The following ST3GAL6 variants were observed in gnomAD, a reference collection of about 807,000 sequenced individuals.
ST3GAL6 encodes the protein type 2 lactosamine alpha-2,3-sialyltransferase.
Under a neutral mutation model 40.5 loss-of-function variants are expected in ST3GAL6, and 31 were observed. The ratio of observed to expected loss-of-function variants is 0.77; its 90% CI spans 0.58 to 1.03. The LOEUF is 1.03. Among genes scored for constraint, ST3GAL6 ranks in the 50% least tolerant of loss-of-function variants. The pLI, the probability that ST3GAL6 is intolerant of heterozygous loss-of-function variation, is 0.00. For synonymous variants in ST3GAL6, 129 were observed against 136.9 expected (o/e 0.94, Z 0.40); for missense variants, 357 against 393.2 (o/e 0.91, Z 0.78).
chr3:98,777,255 C>T (rs1477287315), intron 5 of ST3GAL6, among the ~76,000 whole-genome samples: 4 of 152,214 alleles, frequency 2.6e-5, no homozygotes, highest in Admixed American at 6.5e-5. Context: ...GTGCTGGAAC[C>T]AGTTGGTACC....
chr3:98,754,094 G>A (rs570679469), intron 1 of ST3GAL6, among the ~76,000 whole-genome samples: 1 of 152,244 alleles, frequency 6.6e-6, no homozygotes, highest in Non-Finnish European at 1.5e-5. Context: ...AAAGCTCTAG[G>A]TGTCACATAG....
chr3:98,754,923 A>G (rs1457341110), intron 1 of ST3GAL6, among the ~76,000 whole-genome samples: 1 of 152,266 alleles, frequency 6.6e-6, no homozygotes, highest in Admixed American at 6.5e-5. Context: ...TTGTATAAAC[A>G]TAACTTACAT....
At chr3:98,752,456 C>A (rs1481476182) in intron 1 of ST3GAL6, among the ~76,000 whole-genome samples, 2 of 150,720 alleles carry the variant, frequency 1.3e-5, no homozygotes, top group Non-Finnish European at 1.5e-5. Context: ...TTTTTTCTTT[C>A]TTTTTAAATT....
chr3:98,761,911 G>T (rs1176242520), upstream of ST3GAL6, among the ~76,000 whole-genome samples: 1 of 152,166 alleles, frequency 6.6e-6, no homozygotes, highest in Admixed American at 6.5e-5. Context: ...AATGATTTTA[G>T]TGTGTCCTGT....
At chr3:98,759,871 T>G (rs1937606029), upstream of ST3GAL6, among the ~76,000 whole-genome samples, 1 of 152,110 alleles carries the variant, frequency 6.6e-6, no homozygotes, top group Admixed American at 6.6e-5. Flanking sequence ...ATCCTACATA[T>G]TTTCCCTCAA....
At chr3:98,733,302 C>T in intron 1 of ST3GAL6, 3 of 985,404 alleles carry the variant, frequency 3.0e-6, no homozygotes, top group Non-Finnish European at 3.6e-6. Flanking sequence ...GGGAGGGACG[C>T]GCAGCCTCGC....
At chr3:98,740,093 G>T (rs1367025704) in intron 1 of ST3GAL6, among the ~76,000 whole-genome samples, 2 of 152,096 alleles carry the variant, frequency 1.3e-5, no homozygotes, top group Non-Finnish European at 2.9e-5. Flanking sequence ...ACAATTAAAT[G>T]ATAAATAATT....
intron 1 of ST3GAL6, among the ~76,000 whole-genome samples, chr3:98,758,058 C>T (rs552097063): frequency 2.0e-5 from 3 of 152,210 alleles, no homozygotes; most frequent in South Asian, 4.1e-4. Context: ...AGGCTGGTCT[C>T]GAGCTCCTGA....
intron 9 of ST3GAL6, among the ~76,000 whole-genome samples, chr3:98,792,794 C>T (rs963854977): frequency 6.6e-6 from 1 of 151,794 alleles, no homozygotes; most frequent in Admixed American, 6.6e-5. Context: ...GCTGGGATTA[C>T]AGGCATGGGC....
intron 5 of ST3GAL6, among the ~76,000 whole-genome samples, chr3:98,781,812 G>T (rs1429528792): frequency 6.6e-6 from 1 of 152,188 alleles, no homozygotes; most frequent in Admixed American, 6.5e-5. Flanking sequence ...CCCCTATGCA[G>T]GTTATCTCAT....
At chr3:98,780,117 G>A (rs1421183030) in intron 5 of ST3GAL6, among the ~76,000 whole-genome samples, 1 of 152,218 alleles carries the variant, frequency 6.6e-6, no homozygotes, top group African/African-American at 2.4e-5. Context: ...ATGAAGTCAA[G>A]GAGAGAATGA....
intron 1 of ST3GAL6, among the ~76,000 whole-genome samples, chr3:98,735,929 A>C (rs1935508996): frequency 6.6e-6 from 1 of 152,218 alleles, no homozygotes; most frequent in Non-Finnish European, 1.5e-5. Context: ...GCACTGAATC[A>C]GCTGCAGTGT....
chr3:98,790,690 C>A (rs1941120495), intron 8 of ST3GAL6, among the ~76,000 whole-genome samples: 1 of 152,088 alleles, frequency 6.6e-6, no homozygotes, highest in Non-Finnish European at 1.5e-5. Flanking sequence ...GACTGCAGTG[C>A]TTATTCCTCT....
At chr3:98,761,954 G>T (rs1222280888), upstream of ST3GAL6, among the ~76,000 whole-genome samples, 1 of 152,196 alleles carries the variant, frequency 6.6e-6, no homozygotes, top group Non-Finnish European at 1.5e-5. Flanking sequence ...CTGCTGAGAA[G>T]TCATTTCTCT....
chr3:98,733,067 G>A, intron 1 of ST3GAL6: 4 of 1,411,356 alleles, frequency 2.8e-6, no homozygotes, highest in Non-Finnish European at 3.7e-6. Context: ...CGGGCGGCCT[G>A]GGGTCTGTGC....
At chr3:98,740,444 C>T (rs1935978532) in intron 1 of ST3GAL6, among the ~76,000 whole-genome samples, 1 of 151,606 alleles carries the variant, frequency 6.6e-6, no homozygotes, top group African/African-American at 2.4e-5. Context: ...TTTTTATTGT[C>T]CTGTTTGACG....
At chr3:98,733,953 G>T (rs1935297378) in intron 1 of ST3GAL6, among the ~76,000 whole-genome samples, 1 of 152,120 alleles carries the variant, frequency 6.6e-6, no homozygotes, top group South Asian at 2.1e-4. Flanking sequence ...AAAGTCGTAA[G>T]TCCCATTTGC....
chr3:98,788,669 G>GT (rs3214776), intron 8 of ST3GAL6, among the ~76,000 whole-genome samples: 55,862 of 151,124 alleles, frequency 0.37, 10,355 homozygotes, highest in Middle Eastern at 0.39. Context: ...TTTAAGTTGG[G>GT]TTTTTTTCCT....
chr3:98,745,904 G>A (rs933954529), intron 1 of ST3GAL6, among the ~76,000 whole-genome samples: 2 of 152,126 alleles, frequency 1.3e-5, no homozygotes, highest in Non-Finnish European at 2.9e-5. Context: ...TTTATTGTCT[G>A]TGTTTAAATG....
Sources: gnomAD v4.1 joint callset for allele counts (sites outside exome capture counted in the v4.1 genomes callset) on GRCh38, gnomAD v4.1.1 for gene constraint, MANE v1.5 for transcripts, NCBI Gene and HGNC (gene_info 2026-07-23, HGNC 2026-07-21) for gene names.